CLIP3: variants seen among roughly 807,000 people sequenced by gnomAD.
CLIP3 encodes CAP-Gly domain-containing linker protein 3.
CLIP3 carries 15 observed loss-of-function variants against 59.4 expected under a neutral mutation model. That is an observed-to-expected ratio of 0.25 (90% confidence interval 0.17 to 0.39). The LOEUF (loss-of-function observed/expected upper bound fraction) is 0.39, where lower values mean the gene tolerates loss of function less well. Among genes scored for constraint, CLIP3 ranks in the 10% least tolerant of loss-of-function variants. The pLI is 1.00. For synonymous variants in CLIP3, 300 were observed against 321.6 expected (o/e 0.93, Z 0.72); for missense variants, 495 against 765.7 (o/e 0.65, Z 4.17).
In CLIP3 at chr19:36,016,627, C is replaced by T. The variant is rs1968806397; in HGVS notation, c.1589+280G>A. On this transcript the variant is annotated intron_variant, in intron 13 of 13. Coordinates refer to ENST00000360535, the MANE Select transcript of CLIP3 (RefSeq NM_015526.3). This position sits in a 1 kb window ranked among gnomAD's most constrained non-coding sequence, Gnocchi z 4.1. Reference sequence around the variant, plus strand: ...CCTCCCAAAGTGCTGGGATTAAAGGCATGAGCCACCCCGCCCGGTCTCTAG... The same window carrying T: ...CCTCCCAAAGTGCTGGGATTAAAGGTATGAGCCACCCCGCCCGGTCTCTAG... 2.0e-5 allele frequency among the ~76,000 whole-genome samples: 3 copies of T among 152,328 alleles called. No individual in the cohort carries two copies. In the South Asian group the frequency reaches 6.2e-4, roughly 32 times the overall value.
At chr19:36,030,757 C>A (rs1969232044) in intron 2 of CLIP3, among the ~76,000 whole-genome samples, 1 of 152,218 alleles carries the variant, frequency 6.6e-6, no homozygotes, top group South Asian at 2.1e-4. Context: ...CTCGATCATT[C>A]CCTGAATGCA....
chr19:36,029,824 G>A (rs1969210637), intron 2 of CLIP3, among the ~76,000 whole-genome samples: 1 of 151,958 alleles, frequency 6.6e-6, no homozygotes, highest in African/African-American at 2.4e-5. Context: ...TTTCCTCTTG[G>A]AGTCCACCTT....
chr19:36,018,568 C>T (rs912488563), intron 9 of CLIP3, among the ~76,000 whole-genome samples: 27 of 135,934 alleles, frequency 2.0e-4, no homozygotes, highest in Admixed American at 1.5e-3. Context: ...GGCAACAAGG[C>T]GAGACTCTTG....
rs191314826 is a variant in CLIP3, at chr19:36,027,976, G to A, written c.167-705C>T. Among the ~76,000 whole-genome samples, 489 of 152,266 alleles carry A rather than the reference G, an allele frequency of 3.2e-3. 1 individual carries two copies. The highest frequency in any genetic ancestry group is 5.1e-3 in the Non-Finnish European group (350 of 68,020). On this transcript the variant is annotated intron_variant, in intron 2 of 13. Coordinates refer to ENST00000360535, the MANE Select transcript of CLIP3 (RefSeq NM_015526.3). ...GCCCAGGAGTTCAAGGCTGCAGTGA[G>A]CCATGATTGTGCCACTACACGCCAG...
At chr19:36,031,023 C>CTTTTTTTTTTTTTTTTTTTTTTTTTTT (rs55762943) in intron 2 of CLIP3, among the ~76,000 whole-genome samples, 4 of 80,178 alleles carry the variant, frequency 5.0e-5, no homozygotes, top group South Asian at 4.2e-4. Context: ...TTTTTTTTTT[C>CTTTTTTTTTTTTTTTTTTTTTTTTTTT]TTTTTTTTTT....
intron 2 of CLIP3, 56 bp from the exon 3 acceptor site, chr19:36,027,327 C>T: frequency 1.9e-6 from 3 of 1,538,734 alleles, no homozygotes; most frequent in Non-Finnish European, 2.6e-6. Context: ...TCCTTCCAGC[C>T]TCAGTAGGGG....
chr19:36,025,049 G>C (rs1046366929), intron 6 of CLIP3, among the ~76,000 whole-genome samples: 5 of 150,934 alleles, frequency 3.3e-5, no homozygotes, highest in Admixed American at 2.6e-4. Flanking sequence ...CTGGGTGACA[G>C]AGCGAGACTC....
At position 36,032,447 on chromosome 19, in the gene CLIP3, C is replaced by A. The variant is rs1969291202; in HGVS notation, c.-58-32G>T. Reference sequence around the variant, plus strand: ...GCAGAGGTCAGCTGGAGAGGGTGCCCGGCAGGCTCCAGGGTCCAAGCCCCT... The same window carrying A: ...GCAGAGGTCAGCTGGAGAGGGTGCCAGGCAGGCTCCAGGGTCCAAGCCCCT... On this transcript the variant is annotated intron_variant, in intron 1 of 13. Transcript: ENST00000360535. This position sits in a 1 kb window ranked among gnomAD's most constrained non-coding sequence, Gnocchi z 4.3. 2 of 577,312 alleles carry A rather than the reference C, an allele frequency of 3.5e-6. No individual in the cohort carries two copies. The highest frequency in any genetic ancestry group is 4.4e-5 in the Admixed American group (1 of 22,890). 35.8% of individuals were successfully genotyped at this position (577,312 alleles called of 1,614,324 possible).
At position 36,017,262 on chromosome 19, in the gene CLIP3, T is replaced by G. The variant is rs1968821912; in HGVS notation, c.1516+124A>C. The G allele has an allele frequency of 4.0e-6, 4 of 1,010,016 alleles. No individual in the cohort carries two copies. The Admixed American group carries it at 7.9e-5, about 20-fold the overall frequency. 62.6% of individuals were successfully genotyped at this position (1,010,016 alleles called of 1,614,324 possible). ...CTTTTTGTGGACCTTGTCTCATCAT[T>G]TTCCTGGACCCTGTGTCCCCAATTA... On this transcript the variant is annotated intron_variant, in intron 12 of 13. Coordinates refer to ENST00000360535, the MANE Select transcript of CLIP3 (RefSeq NM_015526.3).
At position 36,018,922 on chromosome 19, in the gene CLIP3, C is replaced by T. The variant is rs574879223; in HGVS notation, c.1159G>A (p.Gly387Ser). 15 of 1,613,476 alleles carry T rather than the reference C, an allele frequency of 9.3e-6. No homozygotes were observed. Among genetic ancestry groups the T allele is most frequent in the East Asian group, 2.2e-5 (1 of 44,874 alleles). The change falls in exon 9 of 14, where the codon GGC becomes AGC. Residue 387 changes from glycine to serine, a missense_variant. By Grantham distance (56) the Gly-to-Ser change is moderately conservative. Around this residue, in one of 5 missense-constraint regions of CLIP3, gnomAD observed 179 missense variants for 226.2 expected, o/e 0.79. Transcript: ENST00000360535. ...CCTTTGTGTTCCCTGCGGCCTTTGCCGGTGACACGGGAGAAGTCCATCCGG... is the reference window on the plus strand; with the variant it reads ...CCTTTGTGTTCCCTGCGGCCTTTGCTGGTGACACGGGAGAAGTCCATCCGG... ...TPRMDFSRVT[G>S]KGRREHKGKK... is the part of the protein sequence containing the mutation.
At chr19:36,022,256 G>A (rs368612136) in intron 7 of CLIP3, among the ~76,000 whole-genome samples, 4 of 152,152 alleles carry the variant, frequency 2.6e-5, no homozygotes, top group Admixed American at 1.3e-4. Context: ...TTTAGTATGC[G>A]CTGGACTCTG....
At chr19:36,027,397 G>A (rs113080790) in intron 2 of CLIP3, 126 bp from the exon 3 acceptor site, 3 of 1,024,382 alleles carry the variant, frequency 2.9e-6, no homozygotes, top group Non-Finnish European at 4.0e-6. Context: ...GTGGCACATG[G>A]GCCACAGTCA....
chr19:36,022,159 C>T lies in CLIP3; in HGVS notation c.918+2237G>A, dbSNP rs150687235. Reference sequence around the variant, plus strand: ...CCTCCCAAAGTGCTGGGATTACAGGCGTGAGGCACCGCGCCCCGACAATTA... The same window carrying T: ...CCTCCCAAAGTGCTGGGATTACAGGTGTGAGGCACCGCGCCCCGACAATTA... On this transcript the variant is annotated intron_variant, in intron 7 of 13. Coordinates refer to ENST00000360535, the MANE Select transcript of CLIP3 (RefSeq NM_015526.3). Among the ~76,000 whole-genome samples the T allele has an allele frequency of 5.9e-4, 90 of 152,272 alleles. No individual in the cohort carries two copies. The East Asian group carries it at 0.013, about 22-fold the overall frequency.
chr19:36,026,568 CAGGGCTCT>C lies in CLIP3; in HGVS notation c.562+10_562+17del. On this transcript the variant is annotated intron_variant, in intron 5 of 13. Coordinates refer to ENST00000360535, the MANE Select transcript of CLIP3 (RefSeq NM_015526.3). This position sits in a 1 kb window ranked among gnomAD's most constrained non-coding sequence, Gnocchi z 6.3. The stretch of plus-strand genomic sequence containing the variant: ...ACCCAGGTCCTTGCCCCCTCCCAGC[CAGGGCTCT>C]CCTCCTCACCTCGCGGCCTCGCACC... The C allele has an allele frequency of 6.2e-7, 1 of 1,612,606 alleles. No individual in the cohort carries two copies. Among genetic ancestry groups the C allele is most frequent in the Non-Finnish European group, 8.5e-7 (1 of 1,179,396 alleles).
chr19:36,024,693 G>A lies in CLIP3; in HGVS notation c.682-61C>T, dbSNP rs1176333920. 8.6e-6 allele frequency: 13 copies of A among 1,507,756 alleles called. 1 individual carries two copies. The South Asian group carries it at 1.5e-4, about 18-fold the overall frequency. The allele number at this position is 1,507,756 out of a possible 1,614,324, so 93.4% of individuals were successfully genotyped here. ...TGGCACAGGTCACACCCCCATGGAGGCCCTGCCCCTAGAGACCACCAGTCT... is the reference window on the plus strand; with the variant it reads ...TGGCACAGGTCACACCCCCATGGAGACCCTGCCCCTAGAGACCACCAGTCT... On this transcript the variant is annotated intron_variant, in intron 6 of 13. Transcript: ENST00000360535.
At position 36,018,984 on chromosome 19, in the gene CLIP3, G is replaced by A. The variant is rs1968878468; in HGVS notation, c.1097C>T (p.Ala366Val). 6.2e-7 allele frequency: 1 copy of A among 1,602,606 alleles called. No homozygotes were observed. The highest frequency in any genetic ancestry group is 8.5e-7 in the Non-Finnish European group (1 of 1,174,542). Residue 366 changes from alanine (A) to valine (V), a missense_variant, in exon 9 of 14, where the codon GCA becomes GTA. Ala to Val is a moderately conservative substitution (Grantham distance 64). This residue lies in a region of CLIP3 where 179 missense variants were observed against 226.2 expected (regional missense o/e 0.79). Coordinates refer to ENST00000360535, the MANE Select transcript of CLIP3 (RefSeq NM_015526.3). ...TGTGGAGGTGACAGAGGAGGGGGGT[G>A]CGTCCACTGCCTTGGAGATCTTGGA... ...SVSKISKAVD[A>V]PPSSVTSTPR... is the part of the protein sequence containing the mutation.
At chr19:36,018,292 A>C (rs1342213113) in intron 9 of CLIP3, among the ~76,000 whole-genome samples, 4 of 152,138 alleles carry the variant, frequency 2.6e-5, no homozygotes, top group Admixed American at 6.6e-5. Context: ...TCCGAGAGTA[A>C]ATCAGGCCAT....
At chr19:36,031,023 C>CTTTTTTTTTTTTTTTTTTTTTTTTTTTT (rs55762943) in intron 2 of CLIP3, among the ~76,000 whole-genome samples, 20 of 80,192 alleles carry the variant, frequency 2.5e-4, no homozygotes, top group South Asian at 4.2e-4. Context: ...TTTTTTTTTT[C>CTTTTTTTTTTTTTTTTTTTTTTTTTTTT]TTTTTTTTTT....
At chr19:36,025,169 G>A (rs1311423216) in intron 6 of CLIP3, among the ~76,000 whole-genome samples, 1 of 152,244 alleles carries the variant, frequency 6.6e-6, no homozygotes, top group East Asian at 1.9e-4. Context: ...GTAATTGAGG[G>A]TGGGCCTGGG....
Sources: gnomAD v4.1 joint callset for allele counts (sites outside exome capture counted in the v4.1 genomes callset) on GRCh38, gnomAD v4.1.1 for gene constraint, gnomAD v4.1.1 regional missense constraint, Gnocchi (gnomAD v3.1) non-coding constraint, MANE v1.5 for transcripts, NCBI Gene and HGNC (gene_info 2026-07-23, HGNC 2026-07-21) for gene names.